The following DACH1 variants were observed in gnomAD, a reference collection of about 807,000 sequenced individuals.
DACH1 encodes dachshund family transcription factor 1.
DACH1 carries 12 observed loss-of-function variants against 54.2 expected under a neutral mutation model. The ratio of observed to expected loss-of-function variants is 0.22; its 90% CI spans 0.14 to 0.36. DACH1 has a LOEUF of 0.36. Among genes scored for constraint, DACH1 ranks in the 10% least tolerant of loss-of-function variants. DACH1 has a pLI of 1.00. For missense variants in DACH1, 805 were observed against 929.8 expected, an observed-to-expected ratio of 0.87 and a Z score of 1.75; for synonymous variants, 386 against 366.2, an observed-to-expected ratio of 1.05 and a Z score of -0.62.
chr13:71,794,253 A>G (rs1028353331), intron 1 of DACH1, among the ~76,000 whole-genome samples: 1 of 151,922 alleles, frequency 6.6e-6, no homozygotes, highest in African/African-American at 2.4e-5. Context: ...CTTCAAACCC[A>G]TTTTTCCTGT....
chr13:71,716,116 A>G (rs1274099545), intron 1 of DACH1, among the ~76,000 whole-genome samples: 1 of 151,972 alleles, frequency 6.6e-6, no homozygotes, highest in East Asian at 1.9e-4. Context: ...GAGCCCAGAG[A>G]GTCTTCCCAA....
chr13:71,448,401 G>A (rs185665399), intron 10 of DACH1, among the ~76,000 whole-genome samples: 2 of 152,318 alleles, frequency 1.3e-5, no homozygotes, highest in East Asian at 1.9e-4. Flanking sequence ...AATGATTCAT[G>A]TGATATTTGA....
rs749135401 is a variant in DACH1 at position 71,453,965 on chromosome 13, A to AT, written c.2084-13274_2084-13273insA. On this transcript the variant is annotated intron_variant, in intron 10 of 10. Coordinates refer to ENST00000613252, the MANE Select transcript of DACH1 (RefSeq NM_080759.6). Reference sequence around the variant, plus strand: ...GAGAACAATAACATCCTATACAAGAACTTTTAAGTAAGGTGGCCCTCTGTG... The same window carrying AT: ...GAGAACAATAACATCCTATACAAGAATCTTTTAAGTAAGGTGGCCCTCTGTG... Among the ~76,000 whole-genome samples, 9 of 152,324 alleles carry AT rather than the reference A, an allele frequency of 5.9e-5. No homozygotes were observed. In the East Asian group the frequency reaches 9.6e-4, roughly 16 times the overall value.
At chr13:71,603,754 T>A (rs1291883680) in intron 3 of DACH1, among the ~76,000 whole-genome samples, 1 of 151,954 alleles carries the variant, frequency 6.6e-6, no homozygotes, top group Admixed American at 6.6e-5. Flanking sequence ...GAAAAATAGA[T>A]ATATATGTGG....
chr13:71,815,784 G>C (rs1316701417), intron 1 of DACH1, among the ~76,000 whole-genome samples: 2 of 152,136 alleles, frequency 1.3e-5, no homozygotes, highest in Admixed American at 1.3e-4. Flanking sequence ...ATTTTTGTCA[G>C]GTCTTAAAAT....
At chr13:71,534,582 A>C (rs913101345) in intron 6 of DACH1, among the ~76,000 whole-genome samples, 15 of 151,804 alleles carry the variant, frequency 9.9e-5, no homozygotes, top group African/African-American at 3.6e-4. Flanking sequence ...CAAAGTGAGC[A>C]ATTGTAACTA....
chr13:71,629,174 T>C (rs750678944), intron 3 of DACH1, among the ~76,000 whole-genome samples: 30 of 152,134 alleles, frequency 2.0e-4, no homozygotes, highest in Non-Finnish European at 3.5e-4. Flanking sequence ...AATTTTTAAA[T>C]GTCTAAATAT....
At chr13:71,835,015 TAAG>T (rs1888730542) in intron 1 of DACH1, among the ~76,000 whole-genome samples, 1 of 152,106 alleles carries the variant, frequency 6.6e-6, no homozygotes, top group Admixed American at 6.6e-5. Context: ...GCCAAACAGA[TAAG>T]AAGACAGAAA....
chr13:71,574,191 T>C, intron 3 of DACH1, among the ~76,000 whole-genome samples: 1 of 152,162 alleles, frequency 6.6e-6, no homozygotes, highest in East Asian at 1.9e-4. Context: ...AGGGCTTGCA[T>C]TTCAATATTG....
At chr13:71,801,177 C>T (rs978606383) in intron 1 of DACH1, among the ~76,000 whole-genome samples, 5 of 152,220 alleles carry the variant, frequency 3.3e-5, no homozygotes, top group South Asian at 4.1e-4. Context: ...CAAATTCAGT[C>T]CTTCCTGGAA....
intron 1 of DACH1, among the ~76,000 whole-genome samples, chr13:71,753,055 G>A (rs1159559696): frequency 2.0e-5 from 3 of 152,116 alleles, no homozygotes; most frequent in Non-Finnish European, 4.4e-5. Context: ...ATACCACTAT[G>A]CATGGGATAA....
At chr13:71,570,694 G>T (rs1045200590) in intron 4 of DACH1, among the ~76,000 whole-genome samples, 4 of 152,068 alleles carry the variant, frequency 2.6e-5, no homozygotes, top group African/African-American at 9.7e-5. Flanking sequence ...CTCTTTTTGT[G>T]TATTTTCTTC....
In DACH1 at chr13:71,723,243, A is replaced by T. The variant is rs1883309681; in HGVS notation, c.849-41333T>A. Reference sequence around the variant, plus strand: ...ACCAGGCCAAATTTGTCTCTACACAAATTAAAAAAAAAAAAAAAAAATTAG... The same window carrying T: ...ACCAGGCCAAATTTGTCTCTACACATATTAAAAAAAAAAAAAAAAAATTAG... On this transcript the variant is annotated intron_variant, in intron 1 of 10. Transcript: ENST00000613252. Among the ~76,000 whole-genome samples, 2 of 124,740 alleles carry T rather than the reference A, an allele frequency of 1.6e-5. 1 individual carries two copies. Among genetic ancestry groups the T allele is most frequent in the South Asian group, 4.3e-4 (2 of 4,616 alleles). 81.8% of individuals were successfully genotyped at this position (124,740 alleles called of 152,430 possible). A position where few individuals can be genotyped will look rare whatever the true frequency, so the allele number is the denominator to read the frequency against.
intron 3 of DACH1, among the ~76,000 whole-genome samples, chr13:71,598,358 G>A (rs1280348695): frequency 6.6e-6 from 1 of 151,956 alleles, no homozygotes; most frequent in Non-Finnish European, 1.5e-5. Context: ...AGGTTCACAC[G>A]ATTCCTCTGC....
At chr13:71,742,011 C>T (rs913607774) in intron 1 of DACH1, among the ~76,000 whole-genome samples, 1 of 152,094 alleles carries the variant, frequency 6.6e-6, no homozygotes, top group Non-Finnish European at 1.5e-5. Flanking sequence ...GGGAAGGATG[C>T]AGGGGGAGGT....
chr13:71,850,312 A>G (rs577128401), intron 1 of DACH1, among the ~76,000 whole-genome samples: 220 of 152,288 alleles, frequency 1.4e-3, no homozygotes, highest in Non-Finnish European at 2.7e-3. Context: ...CTACTTTAAA[A>G]CAGAGTATTA....
chr13:71,693,480 T>C (rs1881639385), intron 1 of DACH1, among the ~76,000 whole-genome samples: 1 of 147,794 alleles, frequency 6.8e-6, no homozygotes, highest in African/African-American at 2.5e-5. Context: ...TTTTTTTTTT[T>C]TTTTTTTTTT....
intron 1 of DACH1, among the ~76,000 whole-genome samples, chr13:71,749,560 TA>T (rs1884831122): frequency 6.6e-6 from 1 of 152,160 alleles, no homozygotes; most frequent in Non-Finnish European, 1.5e-5. Flanking sequence ...TCAGTAAACA[TA>T]ATTATTATTA....
intron 3 of DACH1, among the ~76,000 whole-genome samples, chr13:71,577,400 G>C (rs1327061025): frequency 6.6e-6 from 1 of 152,144 alleles, no homozygotes; most frequent in Non-Finnish European, 1.5e-5. Flanking sequence ...ATACCTGTCA[G>C]TTGCTGTCCT....
Sources: allele counts gnomAD v4.1 joint callset (sites outside exome capture counted in the v4.1 genomes callset), GRCh38; gene constraint gnomAD v4.1.1; transcripts MANE v1.5; gene names NCBI Gene and HGNC (gene_info 2026-07-23, HGNC 2026-07-21).